The following NYAP2 variants were observed in gnomAD, a reference collection of about 807,000 sequenced individuals.
NYAP2 encodes neuronal tyrosine-phosphorylated phosphoinositide-3-kinase adapter 2.
A neutral mutation model predicts 50.4 loss-of-function variants in NYAP2; 23 were observed. That is an observed-to-expected ratio of 0.46 (90% CI 0.33 to 0.65). The LOEUF is 0.65. Among genes scored for constraint, NYAP2 ranks in the 30% least tolerant of loss-of-function variants. The pLI is 0.02. For synonymous variants in NYAP2, 394 were observed against 365.2 expected (o/e 1.08, Z -0.90); for missense variants, 885 against 861.0 (o/e 1.03, Z -0.35).
At chr2:225,622,557 CTTTTTCTTTCTTTCT>C (rs1413003016) in intron 5 of NYAP2, among the ~76,000 whole-genome samples, 1 of 48,664 alleles carries the variant, frequency 2.1e-5, no homozygotes, top group East Asian at 6.2e-4. Flanking sequence ...TTCTTTCTTT[CTTTTTCTTTCTTTCT>C]TTCTTTCTTC....
chr2:225,408,620 A>G (rs1279797583), intron 2 of NYAP2, among the ~76,000 whole-genome samples: 2 of 152,050 alleles, frequency 1.3e-5, no homozygotes, highest in African/African-American at 2.4e-5. Context: ...TTCCCATCAT[A>G]TTTTAGTTCA....
chr2:225,430,513 A>G (rs886550086), intron 3 of NYAP2, among the ~76,000 whole-genome samples: 1 of 152,196 alleles, frequency 6.6e-6, no homozygotes, highest in South Asian at 2.1e-4. Context: ...GGATGATACC[A>G]CTAACATCTA....
At chr2:225,560,528 A>G (rs912925175) in intron 4 of NYAP2, among the ~76,000 whole-genome samples, 1 of 152,128 alleles carries the variant, frequency 6.6e-6, no homozygotes, top group African/African-American at 2.4e-5. Flanking sequence ...AGCTTGGCTT[A>G]TTTTAAAGAA....
intron 3 of NYAP2, among the ~76,000 whole-genome samples, chr2:225,458,843 T>C (rs1689780179): frequency 6.6e-6 from 1 of 152,248 alleles, no homozygotes; most frequent in Non-Finnish European, 1.5e-5. Context: ...AGTAATTCTT[T>C]GTGGATAGTA....
chr2:225,516,329 T>G (rs1046855565), intron 4 of NYAP2, among the ~76,000 whole-genome samples: 1 of 152,114 alleles, frequency 6.6e-6, no homozygotes, highest in Non-Finnish European at 1.5e-5. Context: ...AAGTAGCAAA[T>G]GTGGTTGAAC....
At chr2:225,557,935 T>G (rs1691806799) in intron 4 of NYAP2, among the ~76,000 whole-genome samples, 1 of 152,208 alleles carries the variant, frequency 6.6e-6, no homozygotes, top group Non-Finnish European at 1.5e-5. Context: ...TTGAATAATG[T>G]TGCCCAATGC....
chr2:225,477,174 C>T (rs114632577), intron 3 of NYAP2, among the ~76,000 whole-genome samples: 1,817 of 149,024 alleles, frequency 0.012, 51 homozygotes, highest in African/African-American at 0.043. Context: ...ATGTAAATCA[C>T]ATGGGCATCT....
intron 4 of NYAP2, among the ~76,000 whole-genome samples, chr2:225,537,882 G>C (rs1446725545): frequency 6.6e-6 from 1 of 152,180 alleles, no homozygotes; most frequent in African/African-American, 2.4e-5. Flanking sequence ...GGGGATACAG[G>C]CATTGGATAA....
intron 3 of NYAP2, among the ~76,000 whole-genome samples, chr2:225,512,165 A>C (rs575172905): frequency 1.3e-5 from 2 of 152,316 alleles, no homozygotes; most frequent in Admixed American, 1.3e-4. Context: ...CATTTCCTAA[A>C]TAATTGCTTG....
At chr2:225,646,714 G>A (rs1038567876) in intron 6 of NYAP2, among the ~76,000 whole-genome samples, 7 of 152,206 alleles carry the variant, frequency 4.6e-5, no homozygotes, top group South Asian at 2.1e-4. Context: ...TGCTGGTATC[G>A]AACATTAGAC....
chr2:225,475,228 T>C (rs1397470898), intron 3 of NYAP2, among the ~76,000 whole-genome samples: 1 of 152,182 alleles, frequency 6.6e-6, no homozygotes, highest in African/African-American at 2.4e-5. Flanking sequence ...TGACCAGTTT[T>C]TCAGGTTTTT....
the NYAP2 span, among the ~76,000 whole-genome samples, chr2:225,659,136 G>A: frequency 3.2e-4 from 49 of 152,308 alleles, no homozygotes; most frequent in African/African-American, 1.2e-3. Context: ...TAAGGGTGGG[G>A]ATTGGGCCCA....
At chr2:225,548,435 G>T (rs1354647748) in intron 4 of NYAP2, among the ~76,000 whole-genome samples, 1 of 151,336 alleles carries the variant, frequency 6.6e-6, no homozygotes, top group South Asian at 2.1e-4. Flanking sequence ...CCAAATATAA[G>T]TATTTACAAT....
intron 4 of NYAP2, among the ~76,000 whole-genome samples, chr2:225,519,575 T>G (rs1453569263): frequency 6.6e-6 from 1 of 152,014 alleles, no homozygotes; most frequent in Non-Finnish European, 1.5e-5. Context: ...TCCAGCTTCA[T>G]CCATGTCCCT....
the NYAP2 span, among the ~76,000 whole-genome samples, chr2:225,696,319 T>C: frequency 2.0e-5 from 3 of 151,874 alleles, no homozygotes; most frequent in African/African-American, 7.2e-5. Context: ...AAAACAGAGC[T>C]CTTTGAACAT....
chr2:225,450,620 C>A (rs575979523), intron 3 of NYAP2, among the ~76,000 whole-genome samples: 1 of 152,330 alleles, frequency 6.6e-6, no homozygotes, highest in East Asian at 1.9e-4. Context: ...GTTTCCTCAA[C>A]TGTAAATGGG....
At chr2:225,446,292 G>A in intron 3 of NYAP2, among the ~76,000 whole-genome samples, 1 of 134,084 alleles carries the variant, frequency 7.5e-6, no homozygotes, top group African/African-American at 2.7e-5. Flanking sequence ...GTGGAATTAG[G>A]AAGCAGAAAA....
At chr2:225,691,792 A>G in the NYAP2 span, among the ~76,000 whole-genome samples, 1 of 152,122 alleles carries the variant, frequency 6.6e-6, no homozygotes, top group Admixed American at 6.6e-5. Flanking sequence ...CACCAATGCT[A>G]TCCATGGTCT....
At chr2:225,666,877 A>T in the NYAP2 span, among the ~76,000 whole-genome samples, 1 of 131,820 alleles carries the variant, frequency 7.6e-6, no homozygotes, top group Non-Finnish European at 1.5e-5. Flanking sequence ...ACACACACAG[A>T]GGACAGCTTT....
Sources: allele counts gnomAD v4.1 joint callset (sites outside exome capture counted in the v4.1 genomes callset), GRCh38; gene constraint gnomAD v4.1.1; transcripts MANE v1.5; gene names NCBI Gene and HGNC (gene_info 2026-07-23, HGNC 2026-07-21).